The following EDIL3 variants were observed in gnomAD, a reference collection of about 807,000 sequenced individuals.
The protein encoded by EDIL3 is EGF like and discoidin domains 3, also known as EGF-like repeat and discoidin I-like domain-containing protein 3.
EDIL3 carries 37 observed loss-of-function variants against 67.4 expected under a neutral mutation model. The ratio of observed to expected loss-of-function variants is 0.55; its 90% CI spans 0.42 to 0.72. The LOEUF (loss-of-function observed/expected upper bound fraction) is 0.72, where lower values mean the gene tolerates loss of function less well. EDIL3 is among the 30% of genes least tolerant of loss of function. The probability of loss-of-function intolerance (pLI) is 0.00; values close to 1 mark genes in which losing one functional copy is unlikely to be tolerated. For synonymous variants in EDIL3, 195 were observed against 196.3 expected, an observed-to-expected ratio of 0.99 and a Z score of 0.05; for missense variants, 527 against 586.3, an observed-to-expected ratio of 0.90 and a Z score of 1.04.
chr5:84,117,670 A>G (rs1416848930), intron 5 of EDIL3, among the ~76,000 whole-genome samples: 1 of 151,744 alleles, frequency 6.6e-6, no homozygotes, highest in East Asian at 1.9e-4. Context: ...AAAAGCCCAT[A>G]ATAGAATTAC....
intron 3 of EDIL3, among the ~76,000 whole-genome samples, chr5:84,218,239 A>G (rs558160641): frequency 6.6e-6 from 1 of 152,300 alleles, no homozygotes; most frequent in African/African-American, 2.4e-5. Context: ...CTTATTTCTA[A>G]TAAGATAATA....
At chr5:84,089,880 C>T (rs1013941059) in intron 6 of EDIL3, among the ~76,000 whole-genome samples, 9 of 152,086 alleles carry the variant, frequency 5.9e-5, no homozygotes, top group Non-Finnish European at 1.3e-4. Context: ...TAATGTCATC[C>T]TCAAAGATGC....
At chr5:84,015,359 G>A (rs779773255) in intron 9 of EDIL3, among the ~76,000 whole-genome samples, 26 of 152,176 alleles carry the variant, frequency 1.7e-4, no homozygotes, top group South Asian at 4.1e-4. Context: ...ATGAAATGCT[G>A]CTCTGGTTCT....
chr5:84,256,148 C>CTATCTATCATCT (rs3046886), intron 1 of EDIL3, among the ~76,000 whole-genome samples: 16,766 of 146,330 alleles, frequency 0.11, 1,094 homozygotes, highest in East Asian at 0.28. Context: ...ATCTATCTAT[C>CTATCTATCATCT]ATCTATCTAT....
chr5:84,383,418 T>C (rs1748132459), intron 1 of EDIL3, among the ~76,000 whole-genome samples: 1 of 152,268 alleles, frequency 6.6e-6, no homozygotes, highest in Admixed American at 6.5e-5. Flanking sequence ...AGCAGGACAC[T>C]CGTCGAAGTC....
chr5:83,944,987 A>C (rs1744287271), intron 10 of EDIL3, among the ~76,000 whole-genome samples: 1 of 151,978 alleles, frequency 6.6e-6, no homozygotes, highest in Non-Finnish European at 1.5e-5. Context: ...TCTAGGCTAG[A>C]TTGGTTCAGT....
intron 9 of EDIL3, among the ~76,000 whole-genome samples, chr5:84,032,605 A>G (rs1745942518): frequency 6.6e-6 from 1 of 152,154 alleles, no homozygotes; most frequent in African/African-American, 2.4e-5. Flanking sequence ...AAATTTTGTT[A>G]ATGCCAATAA....
intron 1 of EDIL3, among the ~76,000 whole-genome samples, chr5:84,327,021 C>T (rs2112161496): frequency 6.6e-6 from 1 of 151,964 alleles, no homozygotes; most frequent in Non-Finnish European, 1.5e-5. Flanking sequence ...TTAAGGTGTG[C>T]ATTGTGATGC....
At chr5:84,250,174 A>G (rs1159066905) in intron 2 of EDIL3, among the ~76,000 whole-genome samples, 1 of 152,198 alleles carries the variant, frequency 6.6e-6, no homozygotes, top group Admixed American at 6.5e-5. Context: ...TCAAGAATTT[A>G]AAACAAGGGC....
At chr5:83,952,103 T>G (rs1454138232) in intron 10 of EDIL3, among the ~76,000 whole-genome samples, 2 of 151,812 alleles carry the variant, frequency 1.3e-5, no homozygotes, top group Non-Finnish European at 2.9e-5. Context: ...CTGGTAGCTC[T>G]TTAGAAAGAG....
chr5:84,080,706 A>T (rs2112257867), intron 6 of EDIL3, among the ~76,000 whole-genome samples: 1 of 152,370 alleles, frequency 6.6e-6, no homozygotes, highest in East Asian at 1.9e-4. Flanking sequence ...ATATTGGGAT[A>T]ATTAATTGAT....
rs6876419 is a variant in EDIL3, at chr5:84,041,816, G to T, written c.1137+18484C>A. Among the ~76,000 whole-genome samples the T allele has an allele frequency of 5.6e-3, 852 of 151,710 alleles. 12 individuals are homozygous for T. Among genetic ancestry groups the T allele is most frequent in the African/African-American group, 0.02 (819 of 41,400 alleles). Reference sequence around the variant, plus strand: ...AGGCATATGCCTAACAGAACAGATGGGTCCTGTGGTATTTAACAAAGGGCC... The same window carrying T: ...AGGCATATGCCTAACAGAACAGATGTGTCCTGTGGTATTTAACAAAGGGCC... On this transcript the variant is annotated intron_variant, in intron 9 of 10. Coordinates refer to ENST00000296591, the MANE Select transcript of EDIL3 (RefSeq NM_005711.5).
At chr5:83,969,756 C>A (rs1361853484) in intron 9 of EDIL3, among the ~76,000 whole-genome samples, 2 of 151,690 alleles carry the variant, frequency 1.3e-5, no homozygotes, top group African/African-American at 4.8e-5. Context: ...CATTTAAATA[C>A]ATTTTATTTT....
intron 5 of EDIL3, among the ~76,000 whole-genome samples, chr5:84,136,167 T>C (rs1748088408): frequency 1.3e-5 from 2 of 152,160 alleles, no homozygotes; most frequent in Admixed American, 6.5e-5. Context: ...GAAAATACAC[T>C]GAGTGGGGAA....
intron 3 of EDIL3, among the ~76,000 whole-genome samples, chr5:84,215,641 A>T (rs554923458): frequency 6.6e-6 from 1 of 152,182 alleles, no homozygotes; most frequent in Non-Finnish European, 1.5e-5. Context: ...AACTTTTTAG[A>T]GACAAAGGAA....
intron 2 of EDIL3, among the ~76,000 whole-genome samples, chr5:84,236,000 C>T (rs1197015787): frequency 6.6e-6 from 1 of 151,964 alleles, no homozygotes; most frequent in East Asian, 1.9e-4. Flanking sequence ...AACAGAACCA[C>T]AAAATGTACT....
At chr5:84,141,952 G>GATCGATCTATCGATCTATCT (rs71605902) in intron 4 of EDIL3, among the ~76,000 whole-genome samples, 1 of 108,368 alleles carries the variant, frequency 9.2e-6, no homozygotes, top group African/African-American at 3.7e-5. Context: ...TATATACATA[G>GATCGATCTATCGATCTATCT]ATCTATCTAT....
intron 1 of EDIL3, among the ~76,000 whole-genome samples, chr5:84,275,857 C>A (rs1745574242): frequency 6.6e-6 from 1 of 152,140 alleles, no homozygotes; most frequent in African/African-American, 2.4e-5. Context: ...AGGTAAAATG[C>A]AAAAGTAATT....
At chr5:84,125,439 A>G (rs1474551061) in intron 5 of EDIL3, among the ~76,000 whole-genome samples, 1 of 152,066 alleles carries the variant, frequency 6.6e-6, no homozygotes, top group East Asian at 1.9e-4. Context: ...GCAAAAGCTT[A>G]ACTTCCTTAA....
Sources: allele counts gnomAD v4.1 joint callset (sites outside exome capture counted in the v4.1 genomes callset), GRCh38; gene constraint gnomAD v4.1.1; transcripts MANE v1.5; gene names NCBI Gene and HGNC (gene_info 2026-07-23, HGNC 2026-07-21).